Variants in PCDH15 observed in about 807,000 individuals in gnomAD.
The protein encoded by PCDH15 is protocadherin-15.
PCDH15 carries 129 observed loss-of-function variants against 178.5 expected under a neutral mutation model. The ratio of observed to expected loss-of-function variants is 0.72; its 90% confidence interval spans 0.63 to 0.84. PCDH15 has a LOEUF of 0.84. Ranked by LOEUF, PCDH15 falls within the 40% of genes least tolerant of loss-of-function variation. The probability of loss-of-function intolerance (pLI) is 0.00; values close to 1 mark genes in which losing one functional copy is unlikely to be tolerated. For missense variants in PCDH15, 2,230 were observed against 2,099.9 expected, an observed-to-expected ratio of 1.06 and a Z score of -1.21; for synonymous variants, 800 against 732.0, an observed-to-expected ratio of 1.09 and a Z score of -1.50.
At chr10:55,318,221 CG>C in intron 1 of PCDH15, among the ~76,000 whole-genome samples, 1 of 151,036 alleles carries the variant, frequency 6.6e-6, no homozygotes, top group South Asian at 2.1e-4. Flanking sequence ...AAAAAACACA[CG>C]AGAGAGAGAG....
At chr10:55,344,019 A>T (rs1010409513) in intron 2 of PCDH15, among the ~76,000 whole-genome samples, 9 of 152,110 alleles carry the variant, frequency 5.9e-5, no homozygotes, top group Non-Finnish European at 1.5e-5. Flanking sequence ...AGGGTGAATG[A>T]GGAGATATTT....
At chr10:54,132,816 C>G (rs2042547351) in intron 15 of PCDH15, 59 bp downstream of exon 15, 1 of 1,558,244 alleles carries the variant, frequency 6.4e-7, no homozygotes, top group African/African-American at 1.4e-5. Context: ...TCATTAAATG[C>G]CAAGCTTGTC....
intron 2 of PCDH15, among the ~76,000 whole-genome samples, chr10:55,372,664 T>C (rs1347264003): frequency 2.0e-5 from 3 of 152,108 alleles, no homozygotes; most frequent in East Asian, 1.9e-4. Flanking sequence ...TTAAGCCAAA[T>C]TGATAATGTG....
chr10:54,736,426 A>T (rs1161444613), intron 1 of PCDH15, among the ~76,000 whole-genome samples: 2 of 152,012 alleles, frequency 1.3e-5, no homozygotes, highest in Non-Finnish European at 2.9e-5. Context: ...CGCAGCCCTC[A>T]GTATTTATAA....
intron 2 of PCDH15, among the ~76,000 whole-genome samples, chr10:55,340,880 A>G (rs1206183380): frequency 2.6e-5 from 4 of 152,024 alleles, no homozygotes; most frequent in Non-Finnish European, 5.9e-5. Context: ...TGATAAGCTC[A>G]GTGACTTATT....
chr10:54,367,015 T>C (rs940655714), intron 5 of PCDH15, among the ~76,000 whole-genome samples: 3 of 152,078 alleles, frequency 2.0e-5, no homozygotes, highest in South Asian at 2.1e-4. Context: ...TTTGAAGAAA[T>C]TGAAGATCAA....
intron 18 of PCDH15, among the ~76,000 whole-genome samples, chr10:54,045,873 G>A (rs74135774): frequency 1.7e-3 from 262 of 152,090 alleles, no homozygotes; most frequent in Middle Eastern, 6.8e-3. Context: ...TGTGTCAAAA[G>A]ATATCTTGCA....
intron 2 of PCDH15, among the ~76,000 whole-genome samples, chr10:55,007,013 C>G (rs1365471481): frequency 6.6e-6 from 1 of 152,068 alleles, no homozygotes; most frequent in Admixed American, 6.6e-5. Flanking sequence ...GCACCTCCCC[C>G]CAGCACCCAC....
intron 2 of PCDH15, among the ~76,000 whole-genome samples, chr10:54,641,358 CA>C (rs2093983885): frequency 6.6e-6 from 1 of 152,146 alleles, no homozygotes; most frequent in African/African-American, 2.4e-5. Flanking sequence ...ATAAGAGATA[CA>C]AATTTTTAAG....
chr10:55,292,202 A>G (rs1159853412), intron 1 of PCDH15, among the ~76,000 whole-genome samples: 13 of 152,186 alleles, frequency 8.5e-5, no homozygotes. Context: ...CCTTCTGCCT[A>G]TAAGCCTTAA....
chr10:54,738,739 ATAGT>A (rs1249284455), intron 1 of PCDH15, among the ~76,000 whole-genome samples: 17 of 152,238 alleles, frequency 1.1e-4, no homozygotes, highest in African/African-American at 3.6e-4. Flanking sequence ...AGACGCAAGT[ATAGT>A]TAAACATATG....
intron 3 of PCDH15, among the ~76,000 whole-genome samples, chr10:54,885,621 A>C (rs2131810501): frequency 6.6e-6 from 1 of 152,250 alleles, no homozygotes; most frequent in East Asian, 1.9e-4. Flanking sequence ...ATATGAAAAT[A>C]ACATAATTTT....
At chr10:55,324,110 G>C (rs1162334542), upstream of PCDH15, among the ~76,000 whole-genome samples, 1 of 152,000 alleles carries the variant, frequency 6.6e-6, no homozygotes, top group African/African-American at 2.4e-5. Flanking sequence ...CGTGGACTGG[G>C]CCCAGGCATC....
chr10:54,783,386 A>T (rs1950552464), intron 1 of PCDH15, among the ~76,000 whole-genome samples: 1 of 152,082 alleles, frequency 6.6e-6, no homozygotes. Context: ...ACTTGAAGAC[A>T]TCTTTTGAAA....
intron 3 of PCDH15, among the ~76,000 whole-genome samples, chr10:54,813,584 T>A (rs1046553572): frequency 6.6e-6 from 1 of 152,186 alleles, no homozygotes; most frequent in Non-Finnish European, 1.5e-5. Context: ...ATCAAACACA[T>A]ACCAATACAG....
chr10:54,466,969 G>C (rs1440932501), intron 3 of PCDH15, among the ~76,000 whole-genome samples: 1 of 151,680 alleles, frequency 6.6e-6, no homozygotes, highest in Non-Finnish European at 1.5e-5. Context: ...TTCATTACTG[G>C]TATATATGAA....
chr10:55,007,738 C>T (rs1839965884), intron 2 of PCDH15, among the ~76,000 whole-genome samples: 1 of 152,020 alleles, frequency 6.6e-6, no homozygotes, highest in Admixed American at 6.6e-5. Flanking sequence ...ACTTGAAAAA[C>T]CCTACAAGAA....
intron 2 of PCDH15, among the ~76,000 whole-genome samples, chr10:55,531,466 T>C (rs1271654963): frequency 1.3e-5 from 2 of 152,010 alleles, no homozygotes; most frequent in East Asian, 3.9e-4. Flanking sequence ...GAATACCATC[T>C]TGAAAAATAA....
intron 8 of PCDH15, among the ~76,000 whole-genome samples, chr10:54,249,208 A>G (rs2056265543): frequency 6.6e-6 from 1 of 152,024 alleles, no homozygotes; most frequent in African/African-American, 2.4e-5. Flanking sequence ...TCCATATTTA[A>G]TTTTGTTGAC....
Sources: allele counts gnomAD v4.1 joint callset (sites outside exome capture counted in the v4.1 genomes callset), GRCh38; gene constraint gnomAD v4.1.1; transcripts MANE v1.5; gene names NCBI Gene and HGNC (gene_info 2026-07-23, HGNC 2026-07-21).